Variants in LRFN5 observed in about 807,000 individuals in gnomAD.
The protein encoded by LRFN5 is leucine rich repeat and fibronectin type III domain containing 5, also known as leucine-rich repeat and fibronectin type-III domain-containing protein 5.
Under a neutral mutation model 45.6 loss-of-function variants are expected in LRFN5, and 24 were observed. The ratio of observed to expected loss-of-function variants is 0.53; its 90% CI spans 0.38 to 0.74. LRFN5 has a LOEUF of 0.74. Among genes scored for constraint, LRFN5 ranks in the 30% least tolerant of loss-of-function variants. The pLI is 0.00. For synonymous variants in LRFN5, 340 were observed against 313.8 expected, an observed-to-expected ratio of 1.08 and a Z score of -0.88; for missense variants, 776 against 861.5, an observed-to-expected ratio of 0.90 and a Z score of 1.24.
chr14:41,776,485 A>G (rs1369542381), intron 2 of LRFN5, among the ~76,000 whole-genome samples: 1 of 152,104 alleles, frequency 6.6e-6, no homozygotes, highest in Non-Finnish European at 1.5e-5. Flanking sequence ...ATAATGACAC[A>G]GTTATCATTT....
intron 1 of LRFN5, among the ~76,000 whole-genome samples, chr14:41,628,624 T>G (rs1888425221): frequency 6.6e-6 from 1 of 151,860 alleles, no homozygotes; most frequent in South Asian, 2.1e-4. Flanking sequence ...AATAAATAAA[T>G]AAAAGCTTAG....
intron 1 of LRFN5, among the ~76,000 whole-genome samples, chr14:41,688,198 G>A (rs1217780258): frequency 6.6e-6 from 1 of 152,106 alleles, no homozygotes; most frequent in African/African-American, 2.4e-5. Flanking sequence ...ATGCGGGGAT[G>A]CTTTATGGAT....
chr14:41,659,235 T>C (rs1343885870), intron 1 of LRFN5, among the ~76,000 whole-genome samples: 1 of 151,996 alleles, frequency 6.6e-6, no homozygotes, highest in Admixed American at 6.6e-5. Flanking sequence ...CAGTGTGTGA[T>C]AATCCCCTCC....
chr14:41,778,017 G>T (rs1049899629), intron 2 of LRFN5, among the ~76,000 whole-genome samples: 1 of 147,824 alleles, frequency 6.8e-6, no homozygotes, highest in Non-Finnish European at 1.5e-5. Context: ...TTGGTGGGGG[G>T]GGGGGATTGA....
chr14:41,636,904 A>T (rs1163525411), intron 1 of LRFN5, among the ~76,000 whole-genome samples: 1 of 152,190 alleles, frequency 6.6e-6, no homozygotes, highest in Non-Finnish European at 1.5e-5. Context: ...ACCCCCCTAG[A>T]GGCAGACTGC....
At chr14:41,795,145 A>G (rs960361000) in intron 2 of LRFN5, among the ~76,000 whole-genome samples, 6 of 152,080 alleles carry the variant, frequency 3.9e-5, no homozygotes, top group Admixed American at 3.3e-4. Context: ...TCAAAAGAAG[A>G]CATTTATGCA....
At chr14:41,745,465 T>G (rs1253701096) in intron 1 of LRFN5, among the ~76,000 whole-genome samples, 1 of 151,966 alleles carries the variant, frequency 6.6e-6, no homozygotes, top group Non-Finnish European at 1.5e-5. Flanking sequence ...ACTTTACAAT[T>G]TCTGGAACTA....
chr14:41,629,491 T>C (rs1326971163), intron 1 of LRFN5, among the ~76,000 whole-genome samples: 1 of 152,220 alleles, frequency 6.6e-6, no homozygotes, highest in East Asian at 1.9e-4. Context: ...GTTAGACAAA[T>C]ACCATTTTAT....
At chr14:41,630,700 A>G (rs1014802897) in intron 1 of LRFN5, among the ~76,000 whole-genome samples, 1 of 152,110 alleles carries the variant, frequency 6.6e-6, no homozygotes, top group African/African-American at 2.4e-5. Flanking sequence ...TTATTCATTT[A>G]ACACATAACT....
intron 2 of LRFN5, among the ~76,000 whole-genome samples, chr14:41,798,578 G>A (rs1262912187): frequency 1.3e-5 from 2 of 151,946 alleles, no homozygotes; most frequent in Non-Finnish European, 2.9e-5. Context: ...ATCCATGAAT[G>A]TATCTTTTTA....
At chr14:41,625,755 A>T (rs1045210841) in intron 1 of LRFN5, among the ~76,000 whole-genome samples, 4 of 152,258 alleles carry the variant, frequency 2.6e-5, no homozygotes, top group African/African-American at 9.6e-5. Context: ...ATGAATTTTC[A>T]CATGTACAAG....
intron 2 of LRFN5, among the ~76,000 whole-genome samples, chr14:41,785,180 C>T (rs1436274248): frequency 6.6e-6 from 1 of 151,922 alleles, no homozygotes; most frequent in Non-Finnish European, 1.5e-5. Flanking sequence ...TTTTAGCGGA[C>T]ATATTGTTAG....
At chr14:41,771,351 C>A (rs1439897710) in intron 2 of LRFN5, among the ~76,000 whole-genome samples, 1 of 151,964 alleles carries the variant, frequency 6.6e-6, no homozygotes, top group Non-Finnish European at 1.5e-5. Flanking sequence ...GCCTCTCTAG[C>A]ACATGGTTGC....
chr14:41,844,374 T>C (rs961977452), intron 2 of LRFN5, among the ~76,000 whole-genome samples: 19 of 151,438 alleles, frequency 1.3e-4, no homozygotes, highest in Admixed American at 4.0e-4. Flanking sequence ...GAGGCAGAGC[T>C]TGCAGTGAGC....
intron 1 of LRFN5, among the ~76,000 whole-genome samples, chr14:41,740,882 G>C (rs975028042): frequency 6.6e-6 from 1 of 151,922 alleles, no homozygotes; most frequent in Admixed American, 6.6e-5. Flanking sequence ...TAAAGTTGTA[G>C]TTTATGAAAA....
At chr14:41,675,001 G>A (rs181553152) in intron 1 of LRFN5, among the ~76,000 whole-genome samples, 5 of 151,490 alleles carry the variant, frequency 3.3e-5, no homozygotes, top group South Asian at 2.1e-4. Flanking sequence ...CATCTCAGAC[G>A]ATGGGCGGCC....
In LRFN5 at chr14:41,746,457, C is replaced by T. The variant is rs141880570; in HGVS notation, c.-196-20397C>T. Among the ~76,000 whole-genome samples, 22 of 152,002 alleles carry T rather than the reference C, an allele frequency of 1.4e-4. No homozygotes were observed. The East Asian group carries it at 3.9e-3, about 27-fold the overall frequency. ...TGAACATGGCAAGAATCCACTTTGC[C>T]GCTTTTACTCAATGGAGTGGTAGGT... On this transcript the variant is annotated intron_variant, in intron 1 of 5. Coordinates refer to ENST00000298119, the MANE Select transcript of LRFN5 (RefSeq NM_152447.5).
intron 1 of LRFN5, among the ~76,000 whole-genome samples, chr14:41,760,137 T>C (rs912642922): frequency 1.3e-5 from 2 of 152,234 alleles, no homozygotes; most frequent in Non-Finnish European, 2.9e-5. Context: ...TTATCACATA[T>C]GTAGGTATAC....
intron 1 of LRFN5, among the ~76,000 whole-genome samples, chr14:41,632,620 G>T (rs1229225546): frequency 1.3e-5 from 2 of 152,056 alleles, no homozygotes; most frequent in Non-Finnish European, 2.9e-5. Context: ...AAAAATAAAA[G>T]TATGTGTTGT....
Sources: gnomAD v4.1 joint callset for allele counts (sites outside exome capture counted in the v4.1 genomes callset) on GRCh38, gnomAD v4.1.1 for gene constraint, MANE v1.5 for transcripts, NCBI Gene and HGNC (gene_info 2026-07-23, HGNC 2026-07-21) for gene names.